The following KIAA0825 variants were observed in gnomAD, a reference collection of about 807,000 sequenced individuals.
KIAA0825 encodes the protein uncharacterized protein KIAA0825.
Under a neutral mutation model 147.6 loss-of-function variants are expected in KIAA0825, and 119 were observed. The ratio of observed to expected loss-of-function variants is 0.81; its 90% CI spans 0.69 to 0.94. KIAA0825 has a LOEUF of 0.94. Ranked by LOEUF, KIAA0825 falls within the 40% of genes least tolerant of loss-of-function variation. The pLI, the probability that KIAA0825 is intolerant of heterozygous loss-of-function variation, is 0.00. For missense variants in KIAA0825, 1,381 were observed against 1,472.7 expected (o/e 0.94, Z 1.02); for synonymous variants, 470 against 518.1 (o/e 0.91, Z 1.26).
intron 20 of KIAA0825, among the ~76,000 whole-genome samples, chr5:94,182,576 A>G (rs1291442421): frequency 6.6e-6 from 1 of 151,782 alleles, no homozygotes; most frequent in Non-Finnish European, 1.5e-5. Flanking sequence ...GTCCCTTCTT[A>G]TGCCAAGTTT....
Position 94,235,120 on chromosome 5 carries a change from A to G in KIAA0825, c.3711-80996T>C, listed in dbSNP as rs182625897. On this transcript the variant is annotated intron_variant, in intron 20 of 20. Coordinates refer to ENST00000682413, the MANE Select transcript of KIAA0825 (RefSeq NM_001145678.3). Reference sequence around the variant, plus strand: ...AAGAGCTGCACATCTCTAACTTTAAATCAAAAGCTAGAAATGATTAAGCTT... The same window carrying G: ...AAGAGCTGCACATCTCTAACTTTAAGTCAAAAGCTAGAAATGATTAAGCTT... Among the ~76,000 whole-genome samples, 156 of 152,312 alleles carry G rather than the reference A, an allele frequency of 1.0e-3. 1 individual carries two copies. The highest frequency in any genetic ancestry group is 8.5e-4 in the Non-Finnish European group (58 of 68,020).
intron 20 of KIAA0825, among the ~76,000 whole-genome samples, chr5:94,226,821 G>A (rs1481561005): frequency 1.3e-5 from 2 of 151,960 alleles, no homozygotes; most frequent in Non-Finnish European, 2.9e-5. Flanking sequence ...GGCCATCAGA[G>A]AAATGCAAAT....
At chr5:94,247,957 G>A (rs1341591600) in intron 20 of KIAA0825, among the ~76,000 whole-genome samples, 1 of 152,038 alleles carries the variant, frequency 6.6e-6, no homozygotes, top group African/African-American at 2.4e-5. Flanking sequence ...AAACTTCTTA[G>A]GAGTTTTTCA....
intron 2 of KIAA0825, among the ~76,000 whole-genome samples, chr5:94,563,870 G>C (rs1384750606): frequency 1.3e-5 from 2 of 151,594 alleles, no homozygotes; most frequent in Non-Finnish European, 2.9e-5. Flanking sequence ...TTTTTAGTTC[G>C]AGATGGGGTT....
intron 18 of KIAA0825, 71 bp from the exon 19 acceptor site, chr5:94,386,475 T>A: frequency 8.5e-7 from 1 of 1,173,644 alleles, no homozygotes; most frequent in Non-Finnish European, 1.2e-6. Flanking sequence ...AACTGATCAA[T>A]ATCCAAATTT....
chr5:94,154,239 G>A (rs769148272), intron 20 of KIAA0825, 115 bp from the exon 21 acceptor site: 72 of 696,990 alleles, frequency 1.0e-4, no homozygotes, highest in Non-Finnish European at 1.6e-4. Context: ...GTCTCTCCCT[G>A]TTTATTCTTC....
intron 1 of KIAA0825, among the ~76,000 whole-genome samples, chr5:94,584,411 G>A (rs1228143454): frequency 6.6e-6 from 1 of 152,130 alleles, no homozygotes; most frequent in African/African-American, 2.4e-5. Context: ...TTCAATAGCC[G>A]ATTTGATTAA....
At chr5:94,510,145 A>G (rs907443786) in intron 5 of KIAA0825, among the ~76,000 whole-genome samples, 17 of 152,226 alleles carry the variant, frequency 1.1e-4, no homozygotes, top group African/African-American at 4.1e-4. Context: ...GCCTTTTGCC[A>G]GTGAAAATGC....
chr5:94,234,132 C>G (rs1028727885), intron 20 of KIAA0825, among the ~76,000 whole-genome samples: 1 of 151,778 alleles, frequency 6.6e-6, no homozygotes, highest in African/African-American at 2.4e-5. Context: ...TTTGGGAGGC[C>G]GAGGCGGGTG....
At chr5:94,167,981 G>A (rs1333136064) in intron 20 of KIAA0825, among the ~76,000 whole-genome samples, 1 of 150,302 alleles carries the variant, frequency 6.7e-6, no homozygotes, top group East Asian at 1.9e-4. Context: ...CTCACAATTT[G>A]CTACTATGGT....
intron 20 of KIAA0825, among the ~76,000 whole-genome samples, chr5:94,217,896 C>T (rs1583881488): frequency 6.6e-6 from 1 of 152,032 alleles, no homozygotes; most frequent in South Asian, 2.1e-4. Flanking sequence ...GCAAACGTCT[C>T]AATGTTGGGC....
chr5:94,373,590 A>G (rs1237812769), intron 20 of KIAA0825, among the ~76,000 whole-genome samples: 1 of 152,114 alleles, frequency 6.6e-6, no homozygotes, highest in Non-Finnish European at 1.5e-5. Context: ...AGCCCCTTCT[A>G]AAACCATCAG....
intron 2 of KIAA0825, among the ~76,000 whole-genome samples, chr5:94,572,971 C>T (rs1780251663): frequency 6.6e-6 from 1 of 152,142 alleles, no homozygotes; most frequent in Admixed American, 6.5e-5. Flanking sequence ...TGGCCCATGG[C>T]ACAGCTCTCA....
intron 6 of KIAA0825, among the ~76,000 whole-genome samples, chr5:94,484,114 C>T (rs948915715): frequency 6.6e-6 from 1 of 151,568 alleles, no homozygotes; most frequent in African/African-American, 2.4e-5. Flanking sequence ...TTATTCAGTA[C>T]ACACAGCATG....
intron 20 of KIAA0825, among the ~76,000 whole-genome samples, chr5:94,222,917 C>T (rs1274910053): frequency 6.6e-6 from 1 of 152,018 alleles, no homozygotes; most frequent in East Asian, 1.9e-4. Flanking sequence ...ATTAACATAT[C>T]CATCAACTTG....
At chr5:94,617,143 G>A (rs1790748724) in intron 1 of KIAA0825, among the ~76,000 whole-genome samples, 1 of 152,078 alleles carries the variant, frequency 6.6e-6, no homozygotes, top group Non-Finnish European at 1.5e-5. Context: ...GTATCTACTT[G>A]GGGTAAGTAT....
intron 5 of KIAA0825, among the ~76,000 whole-genome samples, chr5:94,486,012 T>A (rs1256571111): frequency 6.6e-6 from 1 of 151,840 alleles, no homozygotes; most frequent in Non-Finnish European, 1.5e-5. Context: ...GATAATAAAA[T>A]CCCTTTATAC....
intron 14 of KIAA0825, among the ~76,000 whole-genome samples, chr5:94,419,856 T>C (rs1753947454): frequency 6.6e-6 from 1 of 152,192 alleles, no homozygotes; most frequent in African/African-American, 2.4e-5. Flanking sequence ...GTGTAATTAC[T>C]AGTAGCATCT....
At chr5:94,224,699 C>A (rs1178635292) in intron 20 of KIAA0825, among the ~76,000 whole-genome samples, 1 of 152,116 alleles carries the variant, frequency 6.6e-6, no homozygotes, top group Non-Finnish European at 1.5e-5. Flanking sequence ...TAAGACTTAA[C>A]AATGGCTAAG....
Sources: allele counts gnomAD v4.1 joint callset (sites outside exome capture counted in the v4.1 genomes callset), GRCh38; gene constraint gnomAD v4.1.1; transcripts MANE v1.5; gene names NCBI Gene and HGNC (gene_info 2026-07-23, HGNC 2026-07-21).